HPSE2: variants seen among roughly 807,000 people sequenced by gnomAD.
The protein encoded by HPSE2 is inactive heparanase-2.
A neutral mutation model predicts 60.5 loss-of-function variants in HPSE2; 38 were observed. The observed-to-expected ratio is 0.63, with a 90% confidence interval of 0.48 to 0.82. HPSE2 has a LOEUF of 0.82. HPSE2 is among the 40% of genes least tolerant of loss of function. The pLI is 0.00. For synonymous variants in HPSE2, 295 were observed against 293.2 expected (o/e 1.01, Z -0.06); for missense variants, 713 against 740.4 (o/e 0.96, Z 0.43).
intron 3 of HPSE2, among the ~76,000 whole-genome samples, chr10:98,775,375 G>T (rs1950317397): frequency 6.6e-6 from 1 of 152,202 alleles, no homozygotes; most frequent in African/African-American, 2.4e-5. Context: ...TCCATTGGGA[G>T]AAACCAGTCT....
At chr10:99,262,261 A>T in the HPSE2 span, among the ~76,000 whole-genome samples, 5 of 152,124 alleles carry the variant, frequency 3.3e-5, no homozygotes, top group Non-Finnish European at 7.4e-5. Context: ...TAAACCTCTT[A>T]AAACTCCCCA....
chr10:99,184,805 TATATATATATATATAG>T (rs1847919219), intron 2 of HPSE2, among the ~76,000 whole-genome samples: 4 of 34,986 alleles, frequency 1.1e-4, no homozygotes, highest in African/African-American at 2.4e-4. Context: ...TATATATATA[TATATATATATATATAG>T]AGAGAGAGAG....
intron 3 of HPSE2, among the ~76,000 whole-genome samples, chr10:98,892,091 A>T (rs1378675791): frequency 6.6e-6 from 1 of 152,142 alleles, no homozygotes; most frequent in Non-Finnish European, 1.5e-5. Context: ...TTAAACTGAG[A>T]GTATGGGGAC....
At chr10:98,482,505 A>G (rs552780838) in intron 11 of HPSE2, 131 bp downstream of exon 11, 6 of 1,109,394 alleles carry the variant, frequency 5.4e-6, no homozygotes, top group Admixed American at 5.1e-5. Flanking sequence ...ACCTGACCCC[A>G]GACCGCTCTT....
intron 10 of HPSE2, among the ~76,000 whole-genome samples, chr10:98,488,570 T>A (rs1252839): frequency 0.076 from 11,529 of 152,216 alleles, 1,418 homozygotes; most frequent in African/African-American, 0.26. Flanking sequence ...GCTGCAGATA[T>A]TTTTTCCCCC....
chr10:98,760,479 A>G (rs1949981257), intron 3 of HPSE2, among the ~76,000 whole-genome samples: 2 of 152,010 alleles, frequency 1.3e-5, no homozygotes, highest in African/African-American at 4.8e-5. Context: ...CATTCTTTGT[A>G]TATCAATTTG....
At chr10:98,554,797 G>T (rs952946244) in intron 9 of HPSE2, among the ~76,000 whole-genome samples, 2 of 152,162 alleles carry the variant, frequency 1.3e-5, no homozygotes, top group Non-Finnish European at 2.9e-5. Flanking sequence ...GTTCTGCCTT[G>T]GGTAGGTCAT....
At chr10:98,669,926 G>C (rs570144258) in intron 6 of HPSE2, among the ~76,000 whole-genome samples, 1 of 152,290 alleles carries the variant, frequency 6.6e-6, no homozygotes, top group South Asian at 2.1e-4. Context: ...AGAGGGTTGA[G>C]ATGGGGAGAA....
At chr10:98,546,893 T>G (rs11189670) in intron 9 of HPSE2, among the ~76,000 whole-genome samples, 125,522 of 146,048 alleles carry the variant, frequency 0.86, 55,008 homozygotes, top group East Asian at 1. Flanking sequence ...GAAAATTTTC[T>G]CAACCTACTC....
chr10:99,052,936 C>A (rs1337828990), intron 3 of HPSE2, among the ~76,000 whole-genome samples: 7 of 150,686 alleles, frequency 4.6e-5, no homozygotes, highest in Admixed American at 4.6e-4. Context: ...GAAATAATAC[C>A]AGATGGAAAT....
chr10:98,627,055 G>C (rs1366687592), intron 7 of HPSE2, among the ~76,000 whole-genome samples: 1 of 152,176 alleles, frequency 6.6e-6, no homozygotes, highest in African/African-American at 2.4e-5. Context: ...TTACAGGCAT[G>C]AGCCACCGCA....
chr10:98,672,968 C>T (rs978295856), intron 6 of HPSE2, among the ~76,000 whole-genome samples: 2 of 152,116 alleles, frequency 1.3e-5, no homozygotes, highest in Non-Finnish European at 2.9e-5. Context: ...TTGGGGATGA[C>T]TTTGAATATC....
intron 3 of HPSE2, among the ~76,000 whole-genome samples, chr10:99,069,702 A>T (rs1449891386): frequency 6.6e-6 from 1 of 151,668 alleles, no homozygotes; most frequent in Non-Finnish European, 1.5e-5. Flanking sequence ...ATAAAATTGC[A>T]ATGATAATAG....
upstream of HPSE2, chr10:99,235,982 G>A: frequency 1.4e-5 from 6 of 439,630 alleles, no homozygotes; most frequent in Middle Eastern, 6.0e-4. Context: ...TCGCTCGCTC[G>A]CTCGTTTTGT....
intron 3 of HPSE2, among the ~76,000 whole-genome samples, chr10:98,890,131 G>T (rs1004970175): frequency 1.3e-5 from 2 of 152,072 alleles, no homozygotes; most frequent in Non-Finnish European, 2.9e-5. Flanking sequence ...TCAGGTAAAG[G>T]CCTGCCCCAC....
intron 2 of HPSE2, among the ~76,000 whole-genome samples, chr10:99,148,888 G>A (rs956135802): frequency 2.0e-5 from 3 of 152,074 alleles, no homozygotes; most frequent in Non-Finnish European, 4.4e-5. Flanking sequence ...AGAGGCAGGT[G>A]AGGAATGGAA....
chr10:99,270,121 A>T, the HPSE2 span, among the ~76,000 whole-genome samples: 1 of 152,208 alleles, frequency 6.6e-6, no homozygotes, highest in Non-Finnish European at 1.5e-5. Flanking sequence ...GAAGAAAAGA[A>T]ATAACAAGAT....
intron 5 of HPSE2, among the ~76,000 whole-genome samples, chr10:98,716,924 G>A (rs1049735070): frequency 1.7e-4 from 26 of 151,984 alleles, no homozygotes; most frequent in Admixed American, 6.6e-4. Context: ...AGTACAGGTG[G>A]AGCAGATTTA....
rs1267224870 is a variant in HPSE2, at chr10:99,181,214, C to T, written c.449-36815G>A. 2.5e-4 allele frequency among the ~76,000 whole-genome samples: 38 copies of T among 150,242 alleles called. 1 individual carries two copies. Among genetic ancestry groups the T allele is most frequent in the Admixed American group, 1.5e-3 (22 of 15,054 alleles). On this transcript the variant is annotated intron_variant, in intron 2 of 11. Transcript: ENST00000370552. Reference sequence around the variant, plus strand: ...GAGATTGAGACCATCCCGGCTAAAACGGTGAAACCCCGTCTCTACTAAAAA... The same window carrying T: ...GAGATTGAGACCATCCCGGCTAAAATGGTGAAACCCCGTCTCTACTAAAAA...
Sources: gnomAD v4.1 joint callset for allele counts (sites outside exome capture counted in the v4.1 genomes callset) on GRCh38, gnomAD v4.1.1 for gene constraint, MANE v1.5 for transcripts, NCBI Gene and HGNC (gene_info 2026-07-23, HGNC 2026-07-21) for gene names.